The following RORA variants were observed in gnomAD, a reference collection of about 807,000 sequenced individuals.
The protein encoded by RORA is RAR related orphan receptor A, also known as nuclear receptor ROR-alpha.
In RORA, 7 loss-of-function variants were observed where a neutral mutation model predicts 69.5. The ratio of observed to expected loss-of-function variants is 0.10; its 90% CI spans 0.06 to 0.19. The LOEUF is 0.19. RORA is among the 10% of genes least tolerant of loss of function. The pLI is 1.00. For synonymous variants in RORA, 261 were observed against 240.8 expected (o/e 1.08, Z -0.78); for missense variants, 457 against 663.0 (o/e 0.69, Z 3.41).
intron 1 of RORA, among the ~76,000 whole-genome samples, chr15:61,222,745 C>T (rs1012716437): frequency 2.0e-5 from 3 of 152,156 alleles, no homozygotes; most frequent in East Asian, 1.9e-4. Flanking sequence ...TTTCCATATT[C>T]GTCCAGTGAA....
In RORA at chr15:60,592,277, G is replaced by A. The variant is rs1419642971; in HGVS notation, c.197-60426C>T. On this transcript the variant is annotated intron_variant, in intron 2 of 10. Coordinates refer to ENST00000335670, the MANE Select transcript of RORA (RefSeq NM_134261.3). Reference sequence around the variant, plus strand: ...TGGCAGGGCCCCCGCGCCGAGCCCCGGGCAGTACGTGCGTTCGGGCAGGCG... The same window carrying A: ...TGGCAGGGCCCCCGCGCCGAGCCCCAGGCAGTACGTGCGTTCGGGCAGGCG... 11 of 751,058 alleles carry A rather than the reference G, an allele frequency of 1.5e-5. No homozygotes were observed. In the East Asian group the frequency reaches 3.6e-4, roughly 25 times the overall value. The allele number at this position is 751,058 out of a possible 1,614,324, so 46.5% of individuals were successfully genotyped here.
At chr15:61,026,791 T>A (rs1390873895) in intron 1 of RORA, among the ~76,000 whole-genome samples, 3 of 152,182 alleles carry the variant, frequency 2.0e-5, no homozygotes, top group East Asian at 3.8e-4. Context: ...ACACAAGAAG[T>A]ACCTATGGCT....
At chr15:60,505,111 C>T (rs2065457437) in intron 6 of RORA, among the ~76,000 whole-genome samples, 1 of 152,148 alleles carries the variant, frequency 6.6e-6, no homozygotes, top group African/African-American at 2.4e-5. Context: ...ATACAACTTC[C>T]AGAAACATGA....
At chr15:61,212,615 C>G (rs974150098) in intron 1 of RORA, among the ~76,000 whole-genome samples, 23 of 152,176 alleles carry the variant, frequency 1.5e-4, no homozygotes, top group Middle Eastern at 3.2e-3. Flanking sequence ...TGGTCTTGAA[C>G]TCCTGACCTC....
At chr15:61,024,993 T>C (rs1170839333) in intron 1 of RORA, among the ~76,000 whole-genome samples, 1 of 152,238 alleles carries the variant, frequency 6.6e-6, no homozygotes, top group Non-Finnish European at 1.5e-5. Flanking sequence ...CTTTGGTTTT[T>C]GTATTTCATG....
At chr15:61,181,081 G>A (rs925757409) in intron 1 of RORA, among the ~76,000 whole-genome samples, 12 of 143,938 alleles carry the variant, frequency 8.3e-5, no homozygotes, top group African/African-American at 2.9e-4. Context: ...TCCAGCCAGG[G>A]AGACAGAGCG....
At chr15:61,070,438 C>T (rs192303449) in intron 1 of RORA, among the ~76,000 whole-genome samples, 133 of 152,302 alleles carry the variant, frequency 8.7e-4, no homozygotes, top group African/African-American at 1.8e-3. Context: ...TAAGCAGCCA[C>T]GAACATCTCC....
intron 2 of RORA, among the ~76,000 whole-genome samples, chr15:60,612,047 G>A (rs1184562919): frequency 6.6e-6 from 1 of 152,114 alleles, no homozygotes; most frequent in Non-Finnish European, 1.5e-5. Context: ...TCCCTGTTGG[G>A]CACAGGGAGA....
intron 1 of RORA, among the ~76,000 whole-genome samples, chr15:61,013,492 A>T (rs1179434198): frequency 6.6e-6 from 1 of 152,208 alleles, no homozygotes; most frequent in Non-Finnish European, 1.5e-5. Flanking sequence ...GTAAAATGTG[A>T]ATCTTTATTA....
chr15:61,121,619 A>C (rs555196036), intron 1 of RORA, among the ~76,000 whole-genome samples: 1 of 152,254 alleles, frequency 6.6e-6, no homozygotes, highest in East Asian at 1.9e-4. Flanking sequence ...GGCAAGAAGA[A>C]ATGCCCTCCT....
intron 1 of RORA, among the ~76,000 whole-genome samples, chr15:60,755,408 A>G (rs2071786615): frequency 6.6e-6 from 1 of 151,882 alleles, no homozygotes; most frequent in South Asian, 2.1e-4. Flanking sequence ...GGTTGGTTCC[A>G]AGTCTTTGCT....
At chr15:61,090,727 G>C (rs1016151096) in intron 1 of RORA, among the ~76,000 whole-genome samples, 3 of 152,136 alleles carry the variant, frequency 2.0e-5, no homozygotes, top group Non-Finnish European at 4.4e-5. Flanking sequence ...AAGCTGTTTA[G>C]TTAATGAGAA....
At chr15:60,919,869 A>G (rs370130911) in intron 1 of RORA, among the ~76,000 whole-genome samples, 1 of 152,260 alleles carries the variant, frequency 6.6e-6, no homozygotes, top group East Asian at 1.9e-4. Flanking sequence ...AAATTTCTGG[A>G]TGCAGGTAGG....
chr15:60,945,502 A>C (rs1041099326), intron 1 of RORA, among the ~76,000 whole-genome samples: 2 of 152,194 alleles, frequency 1.3e-5, no homozygotes, highest in Non-Finnish European at 2.9e-5. Flanking sequence ...TCCAGGCTAC[A>C]ACTACCGAGA....
chr15:61,130,536 A>G (rs183499539), intron 1 of RORA, among the ~76,000 whole-genome samples: 2 of 151,990 alleles, frequency 1.3e-5, no homozygotes, highest in East Asian at 3.9e-4. Context: ...GAATTTATAG[A>G]TATGAGTTCA....
chr15:60,796,315 T>A (rs891165017), intron 1 of RORA, among the ~76,000 whole-genome samples: 1 of 152,118 alleles, frequency 6.6e-6, no homozygotes, highest in Non-Finnish European at 1.5e-5. Flanking sequence ...CTTCCCCACA[T>A]GGAGAAGCCT....
At chr15:60,927,346 G>A (rs1028506531) in intron 1 of RORA, among the ~76,000 whole-genome samples, 2 of 152,206 alleles carry the variant, frequency 1.3e-5, no homozygotes, top group Non-Finnish European at 2.9e-5. Flanking sequence ...CACTTCCCAG[G>A]ACCCAGCCAT....
At chr15:61,137,120 G>A (rs1220730964) in intron 1 of RORA, among the ~76,000 whole-genome samples, 3 of 150,746 alleles carry the variant, frequency 2.0e-5, no homozygotes, top group African/African-American at 7.3e-5. Context: ...GGGTGTCCAG[G>A]GTGGCAGAGT....
chr15:61,123,296 G>C (rs2079118642), intron 1 of RORA, among the ~76,000 whole-genome samples: 1 of 152,072 alleles, frequency 6.6e-6, no homozygotes, highest in Non-Finnish European at 1.5e-5. Flanking sequence ...AGGCGAGGGG[G>C]GAGCAGGGAA....
Sources: gnomAD v4.1 joint callset for allele counts (sites outside exome capture counted in the v4.1 genomes callset) on GRCh38, gnomAD v4.1.1 for gene constraint, MANE v1.5 for transcripts, NCBI Gene and HGNC (gene_info 2026-07-23, HGNC 2026-07-21) for gene names.